Variants in VPS13A observed in about 807,000 individuals in gnomAD.
VPS13A encodes intermembrane lipid transfer protein VPS13A.
VPS13A carries 264 observed loss-of-function variants against 390.9 expected under a neutral mutation model. The ratio of observed to expected loss-of-function variants is 0.68; its 90% confidence interval spans 0.61 to 0.75. The LOEUF (loss-of-function observed/expected upper bound fraction) is 0.75, where lower values mean the gene tolerates loss of function less well. Ranked by LOEUF, VPS13A falls within the 30% of genes least tolerant of loss-of-function variation. The pLI, the probability that VPS13A is intolerant of heterozygous loss-of-function variation, is 0.00. For missense variants in VPS13A, 3,409 were observed against 3,733.9 expected (o/e 0.91, Z 2.27); for synonymous variants, 1,231 against 1,227.1 (o/e 1.00, Z -0.07).
intron 45 of VPS13A, among the ~76,000 whole-genome samples, chr9:77,324,665 TAG>T (rs1327689916): frequency 6.6e-6 from 1 of 152,206 alleles, no homozygotes; most frequent in East Asian, 1.9e-4. Flanking sequence ...GATATTGGTC[TAG>T]AGTTTCAATG....
intron 33 of VPS13A, among the ~76,000 whole-genome samples, chr9:77,300,134 TTAA>T (rs1828258726): frequency 6.6e-6 from 1 of 152,226 alleles, no homozygotes; most frequent in Non-Finnish European, 1.5e-5. Context: ...AGCTTTTTTC[TTAA>T]TAATATGCTG....
intron 68 of VPS13A, among the ~76,000 whole-genome samples, chr9:77,394,064 G>T (rs945380427): frequency 6.6e-6 from 1 of 151,638 alleles, no homozygotes; most frequent in Non-Finnish European, 1.5e-5. Context: ...CACCACACCC[G>T]GCACTTTTTT....
chr9:77,324,089 G>A (rs1376768331), intron 45 of VPS13A, among the ~76,000 whole-genome samples: 4 of 151,610 alleles, frequency 2.6e-5, no homozygotes, highest in Non-Finnish European at 4.4e-5. Context: ...AAATTGGCTT[G>A]TCCTTTAATT....
chr9:77,398,925 C>T (rs1455515565), intron 68 of VPS13A, among the ~76,000 whole-genome samples: 9 of 145,384 alleles, frequency 6.2e-5, no homozygotes, highest in African/African-American at 2.3e-4. Context: ...GAACAAAAAA[C>T]CAAACACCAC....
intron 68 of VPS13A, among the ~76,000 whole-genome samples, chr9:77,400,999 C>T (rs1242001439): frequency 1.3e-5 from 2 of 151,994 alleles, no homozygotes; most frequent in African/African-American, 2.4e-5. Flanking sequence ...CATGTGTTTA[C>T]CCACTAATTT....
At chr9:77,343,183 G>T (rs1243043901) in intron 50 of VPS13A, among the ~76,000 whole-genome samples, 1 of 152,174 alleles carries the variant, frequency 6.6e-6, no homozygotes, top group South Asian at 2.1e-4. Flanking sequence ...AAGTGCCTGG[G>T]CTAGGAATGC....
intron 68 of VPS13A, among the ~76,000 whole-genome samples, chr9:77,403,004 A>G (rs1690691855): frequency 6.6e-6 from 1 of 152,238 alleles, no homozygotes; most frequent in South Asian, 2.1e-4. Flanking sequence ...CAGCTTCTAA[A>G]AGTCTAGCAT....
intron 22 of VPS13A, among the ~76,000 whole-genome samples, chr9:77,254,759 T>G (rs1349435967): frequency 6.6e-6 from 1 of 152,192 alleles, no homozygotes; most frequent in Non-Finnish European, 1.5e-5. Context: ...AGTTTATTCT[T>G]TGTGATGCTA....
Position 77,370,903 on chromosome 9 carries a change from G to A in VPS13A, c.8921G>A (p.Gly2974Asp). The change falls in exon 66 of 72, where the codon GGC becomes GAC. Residue 2974 changes from glycine (G) to aspartate (D), a missense_variant. By Grantham distance (94) the Gly-to-Asp change is moderately conservative. Around this residue, in one of 5 missense-constraint regions of VPS13A, gnomAD observed 318 missense variants for 333.7 expected, o/e 0.95. Coordinates refer to ENST00000360280, the MANE Select transcript of VPS13A (RefSeq NM_033305.3). ...TTTTCCTTCTAGGGATTTGTTAGTG[G>A]CATAACAGGAATTGTTACAAAACCA... is the stretch of plus-strand genomic sequence containing the variant. ...GKGLVSGFVS[G>D]ITGIVTKPIK... is the part of the protein sequence containing the mutation. The A allele has an allele frequency of 1.2e-6, 2 of 1,613,288 alleles. No individual in the cohort carries two copies. The highest frequency in any genetic ancestry group is 1.7e-6 in the Non-Finnish European group (2 of 1,179,942).
chr9:77,222,923 A>G (rs1222620618), intron 13 of VPS13A, among the ~76,000 whole-genome samples: 6 of 152,184 alleles, frequency 3.9e-5, no homozygotes, highest in African/African-American at 1.2e-4. Flanking sequence ...GTTTTGGCCA[A>G]TCACATGTGG....
At chr9:77,365,358 T>A (rs1832375720) in intron 59 of VPS13A, 102 bp from the exon 60 acceptor site, 4 of 748,512 alleles carry the variant, frequency 5.3e-6, no homozygotes, top group Non-Finnish European at 9.4e-6. Flanking sequence ...CAATGTTGAG[T>A]CTGGATCTTA....
chr9:77,403,467 A>G (rs1413713102), intron 69 of VPS13A, 146 bp downstream of exon 69: 4 of 709,734 alleles, frequency 5.6e-6, no homozygotes, highest in Non-Finnish European at 7.5e-6. Context: ...CTCGCTAAAC[A>G]TTACATAAAT....
intron 26 of VPS13A, 120 bp downstream of exon 26, chr9:77,276,341 A>G (rs1826669596): frequency 4.2e-6 from 4 of 958,846 alleles, no homozygotes; most frequent in East Asian, 2.7e-5. Flanking sequence ...TCAGAGAACC[A>G]TTCCTTTTTG....
chr9:77,393,885 C>G (rs1184621680), intron 68 of VPS13A, among the ~76,000 whole-genome samples: 1 of 152,106 alleles, frequency 6.6e-6, no homozygotes, highest in South Asian at 2.1e-4. Flanking sequence ...TCTCCTGTCT[C>G]GGCCTCCTGA....
intron 52 of VPS13A, among the ~76,000 whole-genome samples, chr9:77,346,435 C>T (rs946916925): frequency 2.0e-5 from 3 of 152,104 alleles, no homozygotes; most frequent in Non-Finnish European, 4.4e-5. Context: ...AGTCCTTTGT[C>T]GGATGCATAG....
At chr9:77,348,161 G>A (rs1383563965) in intron 52 of VPS13A, among the ~76,000 whole-genome samples, 1 of 152,100 alleles carries the variant, frequency 6.6e-6, no homozygotes, top group Non-Finnish European at 1.5e-5. Flanking sequence ...CTCTTATAAA[G>A]ATAGATGCAC....
intron 23 of VPS13A, among the ~76,000 whole-genome samples, chr9:77,261,294 A>G (rs1825747037): frequency 5.3e-5 from 8 of 152,012 alleles, no homozygotes; most frequent in Admixed American, 4.6e-4. Flanking sequence ...GCCTTAGATA[A>G]ATTTTTATGT....
intron 45 of VPS13A, among the ~76,000 whole-genome samples, chr9:77,328,821 G>A (rs1042250572): frequency 6.6e-6 from 1 of 152,112 alleles, no homozygotes; most frequent in African/African-American, 2.4e-5. Context: ...GTATTAGGCC[G>A]TTTTCATACT....
intron 17 of VPS13A, among the ~76,000 whole-genome samples, chr9:77,228,610 A>C (rs1297218960): frequency 1.3e-5 from 2 of 152,160 alleles, no homozygotes; most frequent in South Asian, 4.1e-4. Context: ...ATTCATTTAA[A>C]GTGTGTGGTT....
Sources: allele counts gnomAD v4.1 joint callset (sites outside exome capture counted in the v4.1 genomes callset), GRCh38; gene constraint gnomAD v4.1.1; regional missense constraint gnomAD v4.1.1; transcripts MANE v1.5; gene names NCBI Gene and HGNC (gene_info 2026-07-23, HGNC 2026-07-21).